Variants in OSBP2 observed in about 807,000 individuals in gnomAD.
The protein encoded by OSBP2 is oxysterol-binding protein 2.
OSBP2 carries 66 observed loss-of-function variants against 96.0 expected under a neutral mutation model. That is an observed-to-expected ratio of 0.69 (90% CI 0.56 to 0.84). The LOEUF (loss-of-function observed/expected upper bound fraction) is 0.84. Ranked by LOEUF, OSBP2 falls within the 40% of genes least tolerant of loss-of-function variation. The probability of loss-of-function intolerance (pLI) is 0.00; values close to 1 mark genes in which losing one functional copy is unlikely to be tolerated. For missense variants in OSBP2, 1,038 were observed against 1,222.7 expected (o/e 0.85, Z 2.25); for synonymous variants, 525 against 520.9 (o/e 1.01, Z -0.11).
At chr22:30,755,694 C>A (rs994245193) in intron 2 of OSBP2, among the ~76,000 whole-genome samples, 4 of 152,174 alleles carry the variant, frequency 2.6e-5, no homozygotes, top group African/African-American at 7.2e-5. Context: ...TGTGAGACCT[C>A]TGGGGAGAAG....
intron 1 of OSBP2, among the ~76,000 whole-genome samples, chr22:30,725,644 T>A (rs532690853): frequency 1.3e-5 from 2 of 152,168 alleles, no homozygotes; most frequent in African/African-American, 2.4e-5. Flanking sequence ...CCTGATCTCC[T>A]CCCCTTTCCT....
intron 12 of OSBP2, among the ~76,000 whole-genome samples, chr22:30,895,705 G>A (rs893115776): frequency 1.3e-5 from 2 of 152,056 alleles, no homozygotes; most frequent in African/African-American, 2.4e-5. Context: ...TTGGGAGGCC[G>A]AGGCAAGCAG....
At position 30,815,010 on chromosome 22, in the gene OSBP2, G is replaced by A. The variant is rs531651375; in HGVS notation, c.854-55419G>A. 1.5e-3 allele frequency among the ~76,000 whole-genome samples: 222 copies of A among 152,276 alleles called. 1 individual carries two copies. Among genetic ancestry groups the A allele is most frequent in the African/African-American group, 5.1e-3 (210 of 41,554 alleles). The stretch of plus-strand genomic sequence containing the variant: ...AAAGTCTCTGGGCTGGGCCGGGCAC[G>A]GTGGCTCACACCTGTAATCCCAGCA... On this transcript the variant is annotated intron_variant, in intron 2 of 13. Coordinates refer to ENST00000332585, the MANE Select transcript of OSBP2 (RefSeq NM_030758.4).
rs556671554 is a variant in OSBP2 at position 30,888,374 on chromosome 22, A to T, written c.1418+34A>T. The stretch of plus-strand genomic sequence containing the variant: ...GCTGCAGCTGGGCAGAGCCTCCCCC[A>T]CCCTGGTCTTAGGCTGCATCTGGTC... On this transcript the variant is annotated intron_variant, in intron 5 of 13. Coordinates refer to ENST00000332585, the MANE Select transcript of OSBP2 (RefSeq NM_030758.4). The T allele has an allele frequency of 1.2e-4, 160 of 1,285,054 alleles. 3 individuals carry two copies. In the South Asian group the frequency reaches 1.7e-3, roughly 14 times the overall value. 79.6% of individuals were successfully genotyped at this position (1,285,054 alleles called of 1,614,324 possible).
At chr22:30,755,626 G>A (rs889352670) in intron 2 of OSBP2, among the ~76,000 whole-genome samples, 1 of 152,078 alleles carries the variant, frequency 6.6e-6, no homozygotes, top group Non-Finnish European at 1.5e-5. Flanking sequence ...GGCATGTTGA[G>A]TCAACCAGGG....
chr22:30,720,469 CACA>C (rs2089530857), intron 1 of OSBP2, among the ~76,000 whole-genome samples: 1 of 152,160 alleles, frequency 6.6e-6, no homozygotes, highest in South Asian at 2.1e-4. Context: ...CGAGTGTCCT[CACA>C]ACATGACAGC....
intron 1 of OSBP2, among the ~76,000 whole-genome samples, chr22:30,727,534 G>A (rs1328484766): frequency 3.3e-5 from 5 of 152,074 alleles, no homozygotes; most frequent in Admixed American, 1.3e-4. Context: ...CGAGCTCTGT[G>A]GACAAAGTCA....
At chr22:30,880,383 G>A (rs1023256255) in intron 3 of OSBP2, among the ~76,000 whole-genome samples, 2 of 152,220 alleles carry the variant, frequency 1.3e-5, no homozygotes, top group Non-Finnish European at 2.9e-5. Flanking sequence ...ATAAGAACAC[G>A]GCCCTTTCTC....
At chr22:30,811,711 C>T (rs538580033) in intron 2 of OSBP2, among the ~76,000 whole-genome samples, 2 of 151,938 alleles carry the variant, frequency 1.3e-5, no homozygotes, top group African/African-American at 2.4e-5. Context: ...CCCACCACCA[C>T]ACCCGGCCAA....
Position 30,870,693 on chromosome 22 carries a change from A to C in OSBP2, c.1107+11A>C. 1.2e-6 allele frequency: 2 copies of C among 1,606,300 alleles called. No homozygotes were observed. Among genetic ancestry groups the C allele is most frequent in the Non-Finnish European group, 1.7e-6 (2 of 1,174,824 alleles). ...AATGCTATGATCAACGTGAGTACCC[A>C]CCCCCACCGCCCTGGCACGGGGCTC... On this transcript the variant is annotated intron_variant, in intron 3 of 13. Transcript: ENST00000332585. This position sits in a 1 kb window ranked among gnomAD's most constrained non-coding sequence, Gnocchi z 4.1.
intron 2 of OSBP2, among the ~76,000 whole-genome samples, chr22:30,857,383 C>A (rs1346649827): frequency 6.6e-6 from 1 of 152,152 alleles, no homozygotes; most frequent in Non-Finnish European, 1.5e-5. Flanking sequence ...AGTTACACAG[C>A]CGACTGGTGG....
At chr22:30,767,826 A>G (rs1183328904) in intron 2 of OSBP2, among the ~76,000 whole-genome samples, 1 of 152,188 alleles carries the variant, frequency 6.6e-6, no homozygotes, top group Admixed American at 6.5e-5. Flanking sequence ...GGGCGTTGGC[A>G]AGATGTGTCT....
chr22:30,870,703 C>A lies in OSBP2; in HGVS notation c.1107+21C>A. 6.2e-7 allele frequency: 1 copy of A among 1,604,974 alleles called. No individual in the cohort carries two copies. The highest frequency in any genetic ancestry group is 8.5e-7 in the Non-Finnish European group (1 of 1,173,548). On this transcript the variant is annotated intron_variant, in intron 3 of 13. Coordinates refer to ENST00000332585, the MANE Select transcript of OSBP2 (RefSeq NM_030758.4). This position sits in a 1 kb window ranked among gnomAD's most constrained non-coding sequence, Gnocchi z 4.1. Reference sequence around the variant, plus strand: ...TCAACGTGAGTACCCACCCCCACCGCCCTGGCACGGGGCTCCCTGGCTCCA... The same window carrying A: ...TCAACGTGAGTACCCACCCCCACCGACCTGGCACGGGGCTCCCTGGCTCCA...
intron 2 of OSBP2, among the ~76,000 whole-genome samples, chr22:30,757,511 G>A (rs1448191176): frequency 4.6e-5 from 7 of 151,690 alleles, no homozygotes; most frequent in African/African-American, 7.3e-5. Context: ...TCCGCCTCCC[G>A]GGTTCAAGTG....
chr22:30,870,727 C>T lies in OSBP2; in HGVS notation c.1107+45C>T. 1 of 1,594,158 alleles carries T rather than the reference C, an allele frequency of 6.3e-7. No individual in the cohort carries two copies. The highest frequency in any genetic ancestry group is 1.1e-5 in the South Asian group (1 of 89,656). ...GCCCTGGCACGGGGCTCCCTGGCTCCAGCCCCGGGGTCCCTCGGTGGGTGA... is the reference window on the plus strand; with the variant it reads ...GCCCTGGCACGGGGCTCCCTGGCTCTAGCCCCGGGGTCCCTCGGTGGGTGA... On this transcript the variant is annotated intron_variant, in intron 3 of 13. Coordinates refer to ENST00000332585, the MANE Select transcript of OSBP2 (RefSeq NM_030758.4). The surrounding 1 kb of genome is among the most constrained non-coding windows in gnomAD (Gnocchi z 4.1).
chr22:30,899,300 G>A (rs1270547282), intron 12 of OSBP2, among the ~76,000 whole-genome samples: 1 of 151,908 alleles, frequency 6.6e-6, no homozygotes. Context: ...CAGCTACTCA[G>A]GAGGCTGAGG....
chr22:30,740,752 C>T (rs1357043568), intron 1 of OSBP2, among the ~76,000 whole-genome samples: 2 of 151,844 alleles, frequency 1.3e-5, no homozygotes, highest in Admixed American at 1.3e-4. Context: ...GCTGAGATTA[C>T]AGGTGTGAGC....
rs56875088 is a variant in OSBP2, at chr22:30,856,373, C to CTTTTT, written c.854-14030_854-14026dup. On this transcript the variant is annotated intron_variant, in intron 2 of 13. Transcript: ENST00000332585. ...CTTGGCAGTTGGAAACAGAGCCCTT[C>CTTTTT]TTTTTTTTTTTTTTTTTTTTTTTTT... Among the ~76,000 whole-genome samples the CTTTTT allele has an allele frequency of 6.8e-4, 69 of 101,414 alleles. 4 individuals are homozygous for CTTTTT. The highest frequency in any genetic ancestry group is 2.3e-3 in the East Asian group (8 of 3,410). The allele number at this position is 101,414 out of a possible 152,430, so 66.5% of individuals were successfully genotyped here. A position where few individuals can be genotyped will look rare whatever the true frequency, so the allele number is the denominator to read the frequency against.
intron 2 of OSBP2, among the ~76,000 whole-genome samples, chr22:30,814,914 T>C (rs1315243359): frequency 6.6e-6 from 1 of 152,026 alleles, no homozygotes; most frequent in African/African-American, 2.4e-5. Flanking sequence ...AATAAGCAGC[T>C]TGTAGATCTG....
Sources: gnomAD v4.1 joint callset for allele counts (sites outside exome capture counted in the v4.1 genomes callset) on GRCh38, gnomAD v4.1.1 for gene constraint, Gnocchi (gnomAD v3.1) non-coding constraint, MANE v1.5 for transcripts, NCBI Gene and HGNC (gene_info 2026-07-23, HGNC 2026-07-21) for gene names.